Variants in CNOT10 observed in about 807,000 individuals in gnomAD.
CNOT10 encodes the protein CCR4-NOT transcription complex, subunit 10.
In CNOT10, 30 loss-of-function variants were observed where a neutral mutation model predicts 94.6. That is an observed-to-expected ratio of 0.32 (90% confidence interval 0.24 to 0.43). The LOEUF (loss-of-function observed/expected upper bound fraction) is 0.43. Among genes scored for constraint, CNOT10 ranks in the 20% least tolerant of loss-of-function variants. The probability of loss-of-function intolerance (pLI) is 1.00; values close to 1 mark genes in which losing one functional copy is unlikely to be tolerated. For missense variants in CNOT10, 759 were observed against 877.2 expected (o/e 0.87, Z 1.70); for synonymous variants, 289 against 301.6 (o/e 0.96, Z 0.43).
chr3:32,722,337 TC>T (rs1172010384), intron 8 of CNOT10, among the ~76,000 whole-genome samples: 1 of 152,180 alleles, frequency 6.6e-6, no homozygotes, highest in Non-Finnish European at 1.5e-5. Context: ...TTATTTCTGT[TC>T]TAAATACCCA....
intron 5 of CNOT10, among the ~76,000 whole-genome samples, chr3:32,715,424 A>G (rs1371671251): frequency 6.6e-6 from 1 of 152,226 alleles, no homozygotes; most frequent in African/African-American, 2.4e-5. Context: ...TGAAATGAAC[A>G]GTACCAGAGA....
Position 32,716,263 on chromosome 3 carries a change from A to C in CNOT10, c.612A>C (p.Lys204Asn). 6.2e-7 allele frequency: 1 copy of C among 1,605,396 alleles called. No individual in the cohort carries two copies. The highest frequency in any genetic ancestry group is 8.5e-7 in the Non-Finnish European group (1 of 1,175,544). Residue 204 changes from lysine to asparagine, a missense_variant, in exon 6 of 19, where the codon AAA becomes AAC. Lys to Asn is a moderately conservative substitution (Grantham distance 94). This residue lies in a region of CNOT10 where 682 missense variants were observed against 799.4 expected (regional missense o/e 0.85). Transcript: ENST00000328834. ...NNNNKDGSNH[K>N]AESGALIEAA... ...ACAACAAAGATGGATCTAATCATAA[A>C]GCTGAAAGTGGAGCTCTAATAGAAG...
chr3:32,746,454 G>A (rs1462178053), intron 13 of CNOT10, among the ~76,000 whole-genome samples: 1 of 152,142 alleles, frequency 6.6e-6, no homozygotes, highest in Non-Finnish European at 1.5e-5. Flanking sequence ...CCCATGTGGG[G>A]GTGATGGGAG....
At chr3:32,754,150 A>G (rs1700091474) in intron 13 of CNOT10, among the ~76,000 whole-genome samples, 1 of 151,964 alleles carries the variant, frequency 6.6e-6, no homozygotes, top group South Asian at 2.1e-4. Context: ...GGATTATTGT[A>G]GACAAATTGG....
intron 13 of CNOT10, among the ~76,000 whole-genome samples, chr3:32,758,107 C>G (rs1001458463): frequency 1.3e-5 from 2 of 152,158 alleles, no homozygotes; most frequent in Non-Finnish European, 1.5e-5. Flanking sequence ...ATGGGAAGAA[C>G]AGCGGATTGG....
chr3:32,752,712 A>G (rs1411276009), intron 13 of CNOT10, among the ~76,000 whole-genome samples: 1 of 152,176 alleles, frequency 6.6e-6, no homozygotes, highest in Non-Finnish European at 1.5e-5. Flanking sequence ...GTGGTGGCTC[A>G]TGCCTGTAAT....
chr3:32,704,456 AT>A (rs1342242647), intron 2 of CNOT10, among the ~76,000 whole-genome samples: 4 of 152,162 alleles, frequency 2.6e-5, no homozygotes, highest in African/African-American at 9.7e-5. Flanking sequence ...ATGCTTGGGT[AT>A]TTAAAATATA....
At position 32,685,442 on chromosome 3, in the gene CNOT10, C is replaced by G; in HGVS notation, c.-19C>G. On this transcript the variant is annotated 5_prime_UTR_variant, in exon 1 of 19. Transcript: ENST00000328834. Reference sequence around the variant, plus strand: ...GGGCCACGCCACCTGCAGGGAAGAACCCGAGTCGAAGCGGGAAGATGGCTG... The same window carrying G: ...GGGCCACGCCACCTGCAGGGAAGAAGCCGAGTCGAAGCGGGAAGATGGCTG... 1 of 1,550,278 alleles carries G rather than the reference C, an allele frequency of 6.5e-7. No homozygotes were observed. Among genetic ancestry groups the G allele is most frequent in the Non-Finnish European group, 8.7e-7 (1 of 1,146,760 alleles).
intron 4 of CNOT10, among the ~76,000 whole-genome samples, chr3:32,712,836 C>G (rs189468992): frequency 2.0e-5 from 3 of 152,238 alleles, no homozygotes; most frequent in Admixed American, 2.0e-4. Flanking sequence ...GAGATACCAT[C>G]TCAGAAACAA....
chr3:32,735,764 CTTA>C (rs940133100), intron 12 of CNOT10, among the ~76,000 whole-genome samples: 2 of 152,102 alleles, frequency 1.3e-5, no homozygotes, highest in Non-Finnish European at 2.9e-5. Context: ...CTGCTTATTT[CTTA>C]TTATCCTCTG....
chr3:32,739,256 C>A (rs1226854370), intron 13 of CNOT10, among the ~76,000 whole-genome samples: 3 of 152,266 alleles, frequency 2.0e-5, no homozygotes, highest in African/African-American at 7.2e-5. Context: ...TCCTTTCTTC[C>A]CTAAGCAATC....
chr3:32,750,221 A>C (rs1699901589), intron 13 of CNOT10, among the ~76,000 whole-genome samples: 1 of 152,096 alleles, frequency 6.6e-6, no homozygotes, highest in Non-Finnish European at 1.5e-5. Flanking sequence ...AGGCCTGGGC[A>C]CAGTGACTCA....
chr3:32,735,764 C>A (rs908630133), intron 12 of CNOT10, among the ~76,000 whole-genome samples: 2 of 152,102 alleles, frequency 1.3e-5, no homozygotes, highest in Non-Finnish European at 2.9e-5. Context: ...CTGCTTATTT[C>A]TTATTATCCT....
chr3:32,708,630 C>G (rs746037510), intron 3 of CNOT10, 40 bp from the exon 4 acceptor site: 1 of 1,547,740 alleles, frequency 6.5e-7, no homozygotes, highest in Non-Finnish European at 8.7e-7. Flanking sequence ...CTTTTTATTT[C>G]CTTAATGTTA....
At position 32,713,356 on chromosome 3, in the gene CNOT10, A is replaced by G. The variant is rs775092727; in HGVS notation, c.560A>G (p.Asn187Ser). 6.3e-7 allele frequency: 1 copy of G among 1,595,554 alleles called. No individual in the cohort carries two copies. Among genetic ancestry groups the G allele is most frequent in the South Asian group, 1.2e-5 (1 of 86,760 alleles). Reference sequence around the variant, plus strand: ...ATTTCACAGGGTAACAATAACAAAAATGGAAAGAATGAGGTGAGTCTTTAG... The same window carrying G: ...ATTTCACAGGGTAACAATAACAAAAGTGGAAAGAATGAGGTGAGTCTTTAG... ...KMISQGNNNK[N>S]GKNETGNNNN... Residue 187 changes from asparagine (N) to serine (S), a missense_variant, in exon 5 of 19, where the codon AAT becomes AGT. Physicochemically the swap from Asn to Ser is conservative, Grantham distance 46. This residue lies in a region of CNOT10 where 682 missense variants were observed against 799.4 expected (regional missense o/e 0.85). Coordinates refer to ENST00000328834, the MANE Select transcript of CNOT10 (RefSeq NM_015442.3).
chr3:32,723,553 A>T (rs1698517572), intron 8 of CNOT10, among the ~76,000 whole-genome samples: 1 of 152,202 alleles, frequency 6.6e-6, no homozygotes, highest in Non-Finnish European at 1.5e-5. Flanking sequence ...GCTTGAGTAA[A>T]CATTTTCCAA....
intron 13 of CNOT10, chr3:32,753,117 C>T: frequency 1.8e-6 from 1 of 563,310 alleles, no homozygotes; most frequent in Non-Finnish European, 3.4e-6. Flanking sequence ...GCAAAGAAGT[C>T]TCTCGAATTC....
Position 32,704,837 on chromosome 3 carries a change from A to C in CNOT10, c.144A>C (p.Gln48His). ...FTSGNYDACL[Q>H]HLACLQDINK... ...CTGGAAATTATGATGCCTGTCTACAACACCTTGCCTGTCTACAAGATATAA... is the reference window on the plus strand; with the variant it reads ...CTGGAAATTATGATGCCTGTCTACACCACCTTGCCTGTCTACAAGATATAA... The change falls in exon 3 of 19, where the codon CAA becomes CAC. Residue 48 changes from glutamine (Q) to histidine (H), a missense_variant. Physicochemically the swap from Gln to His is conservative, Grantham distance 24 (BLOSUM62 0). This residue lies in a region of CNOT10 where 682 missense variants were observed against 799.4 expected (regional missense o/e 0.85). Transcript: ENST00000328834. 1 of 1,569,136 alleles carries C rather than the reference A, an allele frequency of 6.4e-7. No homozygotes were observed. Among genetic ancestry groups the C allele is most frequent in the Non-Finnish European group, 8.6e-7 (1 of 1,166,982 alleles).
Position 32,719,414 on chromosome 3 carries a change from C to T in CNOT10, c.745-700C>T, listed in dbSNP as rs148173372. ...CAGCCTGGGTGACAGAGCAAGACTC[C>T]GTCTCAATCAATCAATCACTCAATC... On this transcript the variant is annotated intron_variant, in intron 7 of 18. Coordinates refer to ENST00000328834, the MANE Select transcript of CNOT10 (RefSeq NM_015442.3). Among the ~76,000 whole-genome samples the T allele has an allele frequency of 3.5e-4, 54 of 152,178 alleles. No individual in the cohort carries two copies. The East Asian group carries it at 7.9e-3, about 22-fold the overall frequency.
Sources: allele counts gnomAD v4.1 joint callset (sites outside exome capture counted in the v4.1 genomes callset), GRCh38; gene constraint gnomAD v4.1.1; regional missense constraint gnomAD v4.1.1; transcripts MANE v1.5; gene names NCBI Gene and HGNC (gene_info 2026-07-23, HGNC 2026-07-21).